The following ALDH3B2 variants were observed in gnomAD, a reference collection of about 807,000 sequenced individuals.
ALDH3B2 encodes the protein aldehyde dehydrogenase family 3 member B2.
A neutral mutation model predicts 36.7 loss-of-function variants in ALDH3B2; 45 were observed. The ratio of observed to expected loss-of-function variants is 1.23; its 90% CI spans 0.97 to 1.57. The LOEUF is 1.57. Ranked by LOEUF, ALDH3B2 falls within the 40% of genes most tolerant of loss-of-function variation. The pLI, the probability that ALDH3B2 is intolerant of heterozygous loss-of-function variation, is 0.00. For synonymous variants in ALDH3B2, 217 were observed against 226.5 expected, an observed-to-expected ratio of 0.96 and a Z score of 0.38; for missense variants, 464 against 513.3, an observed-to-expected ratio of 0.90 and a Z score of 0.93.
At chr11:67,679,154 G>C (rs1488351362), upstream of ALDH3B2, among the ~76,000 whole-genome samples, 1 of 152,042 alleles carries the variant, frequency 6.6e-6, no homozygotes, top group Non-Finnish European at 1.5e-5. Context: ...AATACCACCT[G>C]TATCCCAATA....
At chr11:67,674,928 T>TGA (rs1434036583), upstream of ALDH3B2, among the ~76,000 whole-genome samples, 1 of 152,076 alleles carries the variant, frequency 6.6e-6, no homozygotes, top group Non-Finnish European at 1.5e-5. Flanking sequence ...TGGTGGCAAA[T>TGA]GCTGCCTTCG....
chr11:67,678,617 G>GTA (rs1257116924), upstream of ALDH3B2, among the ~76,000 whole-genome samples: 2 of 149,376 alleles, frequency 1.3e-5, no homozygotes, highest in African/African-American at 2.5e-5. Context: ...ACAGTACTGT[G>GTA]TATATATATA....
chr11:67,662,664 C>G (rs1440190653), exon 10 of ALDH3B2: 1 of 161,332 alleles, frequency 6.2e-6, no homozygotes, highest in Non-Finnish European at 1.4e-5. Context: ...CCCAGTTTTC[C>G]CAGTGGATGG....
rs1162584649 is a variant in ALDH3B2, at chr11:67,672,102, T to A, written c.-245+2335A>T. ...ATATATATATATGTATGTATGTATT[T>A]TGTGTGTGTGTGTGTGTGTGTGTGT... On this transcript the variant is annotated intron_variant, in intron 1 of 9. Transcript: ENST00000349015. Among the ~76,000 whole-genome samples the A allele has an allele frequency of 2.6e-3, 129 of 49,952 alleles. 2 individuals carry two copies. The highest frequency in any genetic ancestry group is 0.018 in the Middle Eastern group (1 of 56). 32.8% of individuals were successfully genotyped at this position (49,952 alleles called of 152,430 possible).
intron 8 of ALDH3B2, 126 bp downstream of exon 8, chr11:67,664,270 C>T (rs1855833513): frequency 8.2e-6 from 12 of 1,454,862 alleles, no homozygotes; most frequent in South Asian, 7.5e-5. Context: ...ACCAGGTGGC[C>T]TAGATATAGT....
intron 1 of ALDH3B2, among the ~76,000 whole-genome samples, chr11:67,669,226 GTGTC>G (rs1467299331): frequency 4.6e-5 from 7 of 150,912 alleles, no homozygotes; most frequent in Non-Finnish European, 1.0e-4. Flanking sequence ...CTGTGTATGG[GTGTC>G]TGTGTGTGTG....
At chr11:67,665,073 A>G (rs2134129830) in intron 7 of ALDH3B2, among the ~76,000 whole-genome samples, 1 of 152,294 alleles carries the variant, frequency 6.6e-6, no homozygotes, top group Middle Eastern at 3.4e-3. Flanking sequence ...AGCTCAGTGA[A>G]TCCAGGGCTG....
rs57997475 is a variant in ALDH3B2 at position 67,672,042 on chromosome 11, CATATATATATATATAT to C, written c.-245+2379_-245+2394del. 5.5e-3 allele frequency among the ~76,000 whole-genome samples: 273 copies of C among 49,484 alleles called. 5 individuals carry two copies. Among genetic ancestry groups the C allele is most frequent in the African/African-American group, 0.025 (245 of 9,790 alleles). The allele number at this position is 49,484 out of a possible 152,430, so 32.5% of individuals were successfully genotyped here. ...CTTTCTGGATGGAACCGATGTACTT[CATATATATATATATAT>C]ATATATATATATATATATATATATA... On this transcript the variant is annotated intron_variant, in intron 1 of 9. Coordinates refer to ENST00000349015, the Ensembl canonical transcript of ALDH3B2.
exon 7 of ALDH3B2, chr11:67,665,288 T>C (rs144853999): frequency 1.9e-6 from 3 of 1,604,344 alleles, no homozygotes; most frequent in Non-Finnish European, 2.6e-6. Flanking sequence ...GACTCACCGA[T>C]GTAGCGATCG....
upstream of ALDH3B2, among the ~76,000 whole-genome samples, chr11:67,675,873 T>C (rs1291613254): frequency 1.3e-5 from 2 of 152,244 alleles, no homozygotes; most frequent in African/African-American, 4.8e-5. Flanking sequence ...TTTTGTTTTG[T>C]TTTGTTAAAC....
intron 8 of ALDH3B2, 166 bp downstream of exon 8, chr11:67,664,230 G>T: frequency 8.8e-7 from 1 of 1,133,224 alleles, no homozygotes; most frequent in South Asian, 1.5e-5. Context: ...TGTCCTCTCT[G>T]CCAGGCATCC....
chr11:67,665,662 C>CGAGGGCTCCCA lies in ALDH3B2; in HGVS notation c.328_329insTGGGAGCCCTC (p.Arg110LeufsTer11), dbSNP rs748360517. Reference sequence around the variant, plus strand: ...AGCAGTCATGACAATCTTGCCCACACGAGGGCTCCCTGGGCGTGGAAGGAA... The same window carrying CGAGGGCTCCCA: ...AGCAGTCATGACAATCTTGCCCACACGAGGGCTCCCAGAGGGCTCCCTGGGCGTGGAAGGAA... On this transcript the variant is annotated frameshift_variant, in exon 7 of 10. Transcript: ENST00000349015. LOFTEE classifies it high-confidence loss of function. 6.2e-7 allele frequency: 1 copy of CGAGGGCTCCCA among 1,608,036 alleles called. No homozygotes were observed. The highest frequency in any genetic ancestry group is 1.7e-4 in the Middle Eastern group (1 of 6,012).
upstream of ALDH3B2, among the ~76,000 whole-genome samples, chr11:67,675,188 G>T (rs1856240840): frequency 6.6e-6 from 1 of 152,184 alleles, no homozygotes; most frequent in African/African-American, 2.4e-5. Context: ...GCTCTAGGAT[G>T]GCGCATTGTT....
intron 1 of ALDH3B2, among the ~76,000 whole-genome samples, chr11:67,670,808 C>T (rs536591041): frequency 1.1e-3 from 166 of 152,310 alleles, no homozygotes; most frequent in Non-Finnish European, 2.0e-3. Context: ...AGTGTGCGGC[C>T]CCCCTGCATG....
exon 10 of ALDH3B2, chr11:67,663,272 G>A (rs367866293): frequency 3.5e-5 from 56 of 1,613,928 alleles, no homozygotes; most frequent in Non-Finnish European, 4.7e-5. Flanking sequence ...GCTGGTTCCA[G>A]TCGGTATAGG....
chr11:67,673,020 TC>T (rs1304390781), intron 1 of ALDH3B2, among the ~76,000 whole-genome samples: 3 of 149,272 alleles, frequency 2.0e-5, no homozygotes, highest in Admixed American at 6.7e-5. Flanking sequence ...AAACTCCGCC[TC>T]CCGGGTTCAC....
intron 4 of ALDH3B2, 49 bp from the exon 5 acceptor site, chr11:67,666,450 C>A (rs769253184): frequency 2.5e-6 from 4 of 1,604,482 alleles, no homozygotes; most frequent in Non-Finnish European, 2.6e-6. Context: ...GGTCCCCATG[C>A]CCAACCAGGG....
At chr11:67,667,883 T>G in intron 1 of ALDH3B2, 1 of 155,352 alleles carries the variant, frequency 6.4e-6, no homozygotes. Context: ...CCTCCCCTAC[T>G]CCAGGGAGGG....
upstream of ALDH3B2, chr11:67,674,828 T>C (rs1325356870): frequency 6.6e-6 from 1 of 152,304 alleles, no homozygotes; most frequent in Non-Finnish European, 1.5e-5. Flanking sequence ...CTTTGCTCTG[T>C]GTTTCCTGGA....
Sources: allele counts gnomAD v4.1 joint callset (sites outside exome capture counted in the v4.1 genomes callset), GRCh38; gene constraint gnomAD v4.1.1; transcripts MANE v1.5; gene names NCBI Gene and HGNC (gene_info 2026-07-23, HGNC 2026-07-21).